The following RSPH1 variants were observed in gnomAD, a reference collection of about 807,000 sequenced individuals.
RSPH1 encodes the protein radial spoke head component 1, also known as radial spoke head 1 homolog.
Under a neutral mutation model 44.2 loss-of-function variants are expected in RSPH1, and 32 were observed. That is an observed-to-expected ratio of 0.72 (90% CI 0.55 to 0.97). The LOEUF (loss-of-function observed/expected upper bound fraction) is 0.97. Among genes scored for constraint, RSPH1 ranks in the 50% least tolerant of loss-of-function variants. RSPH1 has a pLI of 0.00. For synonymous variants in RSPH1, 134 were observed against 147.3 expected (o/e 0.91, Z 0.65); for missense variants, 391 against 398.7 (o/e 0.98, Z 0.16).
At chr21:42,477,832 C>T (rs546359005) in intron 6 of RSPH1, among the ~76,000 whole-genome samples, 40 of 152,250 alleles carry the variant, frequency 2.6e-4, no homozygotes, top group African/African-American at 9.6e-4. Context: ...CATTTTGCAA[C>T]TCTAATATAA....
intron 5 of RSPH1, among the ~76,000 whole-genome samples, chr21:42,483,479 A>G (rs66477955): frequency 0.066 from 10,105 of 152,226 alleles, 493 homozygotes; most frequent in Non-Finnish European, 0.11. Context: ...TATATAAAAC[A>G]ACAGGGTCTC....
intron 6 of RSPH1, among the ~76,000 whole-genome samples, chr21:42,477,941 T>C (rs1454128754): frequency 6.6e-6 from 1 of 152,206 alleles, no homozygotes; most frequent in East Asian, 1.9e-4. Flanking sequence ...CAGCCATTTG[T>C]TTTAGGCTTA....
At position 42,477,324 on chromosome 21, in the gene RSPH1, C is replaced by T; in HGVS notation, c.694G>A (p.Asp232Asn). The change falls in exon 7 of 9, where the codon GAT (aspartate) becomes AAT (asparagine). Residue 232 changes from aspartate (D) to asparagine (N), a missense_variant. Physicochemically the swap from Asp to Asn is conservative, Grantham distance 23. Transcript: ENST00000291536. Reference sequence around the variant, plus strand: ...CCTGGAGCGTCTTGGCCAGGTCCATCCGTAGAGGTCGGCTTTTTGGGGAGA... The same window carrying T: ...CCTGGAGCGTCTTGGCCAGGTCCATTCGTAGAGGTCGGCTTTTTGGGGAGA... ...PTLPKKPTST[D>N]GPGQDAPGAE... 6.2e-7 allele frequency: 1 copy of T among 1,614,166 alleles called. No individual in the cohort carries two copies. Among genetic ancestry groups the T allele is most frequent in the Non-Finnish European group, 8.5e-7 (1 of 1,180,010 alleles).
chr21:42,479,176 G>T (rs1280109527), intron 6 of RSPH1, among the ~76,000 whole-genome samples: 1 of 152,212 alleles, frequency 6.6e-6, no homozygotes, highest in South Asian at 2.1e-4. Context: ...GCCGTGGGCT[G>T]CAGCTTGGCA....
intron 3 of RSPH1, among the ~76,000 whole-genome samples, chr21:42,488,152 T>A (rs556010119): frequency 6.6e-6 from 1 of 152,242 alleles, no homozygotes; most frequent in Non-Finnish European, 1.5e-5. Flanking sequence ...CATGATGTGA[T>A]GTGTGACAGG....
intron 5 of RSPH1, among the ~76,000 whole-genome samples, chr21:42,483,903 T>A (rs546445191): frequency 6.6e-6 from 1 of 152,338 alleles, no homozygotes; most frequent in African/African-American, 2.4e-5. Flanking sequence ...CCTCCCATCA[T>A]CCCTTTGTTA....
At chr21:42,481,769 G>C (rs2054129511) in intron 6 of RSPH1, among the ~76,000 whole-genome samples, 2 of 152,130 alleles carry the variant, frequency 1.3e-5, no homozygotes, top group African/African-American at 4.8e-5. Context: ...AATAATGAGA[G>C]GAATAGGAAC....
chr21:42,485,889 G>A, intron 4 of RSPH1, 85 bp from the exon 5 acceptor site: 2 of 1,552,948 alleles, frequency 1.3e-6, no homozygotes, highest in African/African-American at 2.7e-5. Context: ...TGACATTGAG[G>A]GAGGCCCAGG....
In RSPH1 at chr21:42,474,825, C is replaced by G. The variant is rs1401093861; in HGVS notation, c.877+1073G>C. On this transcript the variant is annotated intron_variant, in intron 8 of 8. Coordinates refer to ENST00000291536, the MANE Select transcript of RSPH1 (RefSeq NM_080860.4). The surrounding 1 kb of genome is among the most constrained non-coding windows in gnomAD (Gnocchi z 5.2). ...GCCAGCGCTCAGGGGAATTACCGAT[C>G]ACGAAAGTCTATGTGTGCTTCAAGC... Among the ~76,000 whole-genome samples, 1 of 150,276 alleles carries G rather than the reference C, an allele frequency of 6.7e-6. No homozygotes were observed. Among genetic ancestry groups the G allele is most frequent in the Non-Finnish European group, 1.5e-5 (1 of 68,016 alleles).
At chr21:42,491,826 G>A (rs966662982) in intron 3 of RSPH1, among the ~76,000 whole-genome samples, 1 of 152,202 alleles carries the variant, frequency 6.6e-6, no homozygotes, top group Non-Finnish European at 1.5e-5. Flanking sequence ...AAGAAGTGAT[G>A]CTGTCACAAG....
intron 1 of RSPH1, 105 bp downstream of exon 1, chr21:42,496,028 G>T: frequency 7.7e-7 from 1 of 1,304,532 alleles, no homozygotes; most frequent in Non-Finnish European, 1.1e-6. Flanking sequence ...GGGGAGCTGT[G>T]GCTCAGACCT....
At chr21:42,496,055 C>T (rs981724097) in intron 1 of RSPH1, 78 bp downstream of exon 1, 3 of 1,545,938 alleles carry the variant, frequency 1.9e-6, no homozygotes, top group African/African-American at 1.4e-5. Context: ...TCTGCGCCTC[C>T]TCACTCTCCA....
intron 8 of RSPH1, among the ~76,000 whole-genome samples, chr21:42,475,032 C>T (rs1376519022): frequency 6.6e-6 from 1 of 152,180 alleles, no homozygotes; most frequent in African/African-American, 2.4e-5. Flanking sequence ...AGCACGACAC[C>T]CTCTTTCAGT....
intron 3 of RSPH1, among the ~76,000 whole-genome samples, chr21:42,492,140 G>A (rs779606361): frequency 6.6e-5 from 10 of 152,206 alleles, no homozygotes; most frequent in African/African-American, 9.7e-5. Context: ...GCTCCCTGCC[G>A]GTCCCCCTGC....
intron 5 of RSPH1, among the ~76,000 whole-genome samples, chr21:42,482,964 A>G (rs1210384747): frequency 6.6e-6 from 1 of 152,242 alleles, no homozygotes; most frequent in Non-Finnish European, 1.5e-5. Context: ...TCAGTGAATC[A>G]GTATCCATAG....
chr21:42,481,927 TA>T (rs2054131609), intron 6 of RSPH1, among the ~76,000 whole-genome samples: 1 of 152,142 alleles, frequency 6.6e-6, no homozygotes. Context: ...GAGAAAGACT[TA>T]CCAACGGCAC....
At position 42,472,665 on chromosome 21, in the gene RSPH1, G is replaced by A. The variant is rs11203205; in HGVS notation, c.*153C>T. 0.44 allele frequency: 239,364 copies of A among 549,068 alleles called. 54,439 individuals carry two copies. Among genetic ancestry groups the A allele is most frequent in the South Asian group, 0.51 (18,019 of 35,470 alleles). The allele number at this position is 549,068 out of a possible 1,614,324, so 34.0% of individuals were successfully genotyped here. On this transcript the variant is annotated 3_prime_UTR_variant, in exon 9 of 9. Coordinates refer to ENST00000291536, the MANE Select transcript of RSPH1 (RefSeq NM_080860.4). ...GCCACCCAGGCTGGAGAGCAGTGGC[G>A]CGATCTCCACTCACTGCAACTGCCA...
At chr21:42,485,482 C>G (rs1453936873) in intron 5 of RSPH1, 187 bp downstream of exon 5, 6 of 639,702 alleles carry the variant, frequency 9.4e-6, no homozygotes, top group Non-Finnish European at 1.6e-5. Flanking sequence ...CCCTCCCTTC[C>G]CCCAATTCTG....
chr21:42,475,977 A>C lies in RSPH1; in HGVS notation c.798T>G (p.Pro266=), dbSNP rs577891231. 1 of 1,612,902 alleles carries C rather than the reference A, an allele frequency of 6.2e-7. No individual in the cohort carries two copies. Among genetic ancestry groups the C allele is most frequent in the Middle Eastern group, 1.6e-4 (1 of 6,062 alleles). Residue 266 remains proline, a synonymous_variant, in exon 8 of 9, where the codon CCT becomes CCG. Coordinates refer to ENST00000291536, the MANE Select transcript of RSPH1 (RefSeq NM_080860.4). ...GGAGGACGTCTGCATCTTCATCTCCAGGCCTCATGTCCATCTCACCCTCGA... is the reference window on the plus strand; with the variant it reads ...GGAGGACGTCTGCATCTTCATCTCCCGGCCTCATGTCCATCTCACCCTCGA... ...EGFEGEMDMR[P]GDEDADVLRE... is the part of the protein sequence containing the mutation.
Sources: gnomAD v4.1 joint callset for allele counts (sites outside exome capture counted in the v4.1 genomes callset) on GRCh38, gnomAD v4.1.1 for gene constraint, Gnocchi (gnomAD v3.1) non-coding constraint, MANE v1.5 for transcripts, NCBI Gene and HGNC (gene_info 2026-07-23, HGNC 2026-07-21) for gene names.